CSMD1: variants seen among roughly 807,000 people sequenced by gnomAD.
CSMD1 encodes CUB and sushi domain-containing protein 1.
A neutral mutation model predicts 417.5 loss-of-function variants in CSMD1; 213 were observed. That is an observed-to-expected ratio of 0.51 (90% CI 0.46 to 0.57). The LOEUF is 0.57. Among genes scored for constraint, CSMD1 ranks in the 20% least tolerant of loss-of-function variants. CSMD1 has a pLI of 0.00. For synonymous variants in CSMD1, 2,862 were observed against 1,736.8 expected, an observed-to-expected ratio of 1.65 and a Z score of -16.11; for missense variants, 6,923 against 4,529.7, an observed-to-expected ratio of 1.53 and a Z score of -15.17.
chr8:3,679,460 G>A (rs1228786868), intron 7 of CSMD1, among the ~76,000 whole-genome samples: 1 of 152,078 alleles, frequency 6.6e-6, no homozygotes, highest in African/African-American at 2.4e-5. Flanking sequence ...AATGGTAAAG[G>A]GATCAATTCA....
chr8:4,756,153 A>T (rs1051965173), intron 1 of CSMD1, among the ~76,000 whole-genome samples: 1 of 152,210 alleles, frequency 6.6e-6, no homozygotes, highest in Non-Finnish European at 1.5e-5. Context: ...ATTAAACTTT[A>T]TGAATTCTAT....
chr8:4,661,707 C>A (rs1338149929), intron 1 of CSMD1, among the ~76,000 whole-genome samples: 2 of 151,996 alleles, frequency 1.3e-5, no homozygotes, highest in African/African-American at 4.8e-5. Flanking sequence ...AAAAAAGTCC[C>A]AAAATAAAAA....
chr8:3,646,035 T>C (rs17066728), intron 7 of CSMD1, among the ~76,000 whole-genome samples: 2 of 149,148 alleles, frequency 1.3e-5, no homozygotes, highest in East Asian at 1.9e-4. Context: ...ACTAGAAATA[T>C]TCTAAATTCC....
At chr8:3,105,766 A>C (rs997559870) in intron 46 of CSMD1, among the ~76,000 whole-genome samples, 10 of 152,266 alleles carry the variant, frequency 6.6e-5, no homozygotes, top group Non-Finnish European at 1.5e-4. Flanking sequence ...ACGAAATGAT[A>C]TTCAAAATTT....
At chr8:4,761,918 T>TCTAC (rs1563319814) in intron 1 of CSMD1, among the ~76,000 whole-genome samples, 2 of 127,732 alleles carry the variant, frequency 1.6e-5, no homozygotes, top group Non-Finnish European at 3.3e-5. Flanking sequence ...TATCAATCTA[T>TCTAC]CTATCTATCT....
chr8:3,727,091 A>T (rs757654178), intron 6 of CSMD1, among the ~76,000 whole-genome samples: 2 of 152,194 alleles, frequency 1.3e-5, no homozygotes, highest in African/African-American at 4.8e-5. Flanking sequence ...ATTTAATGTT[A>T]CCCAACTTAC....
At chr8:3,688,816 G>T (rs1032817853) in intron 7 of CSMD1, among the ~76,000 whole-genome samples, 3 of 152,068 alleles carry the variant, frequency 2.0e-5, no homozygotes, top group Non-Finnish European at 4.4e-5. Context: ...AAATAAAACA[G>T]TGTAATAGTG....
At chr8:3,796,956 T>G (rs1411898302) in intron 5 of CSMD1, among the ~76,000 whole-genome samples, 1 of 151,808 alleles carries the variant, frequency 6.6e-6, no homozygotes, top group African/African-American at 2.4e-5. Flanking sequence ...GAAGATGAAG[T>G]ATAATTAAAT....
At chr8:3,726,572 G>C (rs189306424) in intron 6 of CSMD1, among the ~76,000 whole-genome samples, 1 of 152,294 alleles carries the variant, frequency 6.6e-6, no homozygotes. Context: ...GTTTTCAGGA[G>C]AAGCAGGAAA....
intron 6 of CSMD1, among the ~76,000 whole-genome samples, chr8:3,745,867 A>G (rs115867898): frequency 0.012 from 1,830 of 152,304 alleles, 35 homozygotes; most frequent in African/African-American, 0.041. Context: ...CCACATTATC[A>G]TGTAGGTAAT....
chr8:3,059,073 C>T (rs767237705), intron 49 of CSMD1, among the ~76,000 whole-genome samples: 14 of 151,922 alleles, frequency 9.2e-5, no homozygotes, highest in East Asian at 1.9e-4. Flanking sequence ...TCCTGTTCCC[C>T]GCATGTGTCT....
At position 3,850,679 on chromosome 8, in the gene CSMD1, A is replaced by C. The variant is rs370319041; in HGVS notation, c.819-96637T>G. Among the ~76,000 whole-genome samples the C allele has an allele frequency of 2.7e-4, 41 of 152,282 alleles. No individual in the cohort carries two copies. The East Asian group carries it at 4.4e-3, about 16-fold the overall frequency. Reference sequence around the variant, plus strand: ...CACTGCACTCCAGCCTGGGTGACAGAGTGCGACTCTGTCTCAAAAAATAAA... The same window carrying C: ...CACTGCACTCCAGCCTGGGTGACAGCGTGCGACTCTGTCTCAAAAAATAAA... On this transcript the variant is annotated intron_variant, in intron 5 of 69. Transcript: ENST00000635120.
intron 1 of CSMD1, among the ~76,000 whole-genome samples, chr8:4,850,511 A>T (rs1034345552): frequency 4.0e-5 from 6 of 150,600 alleles, no homozygotes; most frequent in African/African-American, 1.5e-4. Flanking sequence ...GTTATTTTCC[A>T]AAATCTTCCA....
chr8:3,112,532 G>A (rs1208090367), intron 42 of CSMD1, among the ~76,000 whole-genome samples: 1 of 152,184 alleles, frequency 6.6e-6, no homozygotes, highest in African/African-American at 2.4e-5. Flanking sequence ...CATTGAGCAA[G>A]TCAGTGATTC....
chr8:2,951,226 T>C lies in CSMD1; in HGVS notation c.10089A>G (p.Glu3363=). The C allele has an allele frequency of 1.9e-6, 3 of 1,608,964 alleles. No homozygotes were observed. Among genetic ancestry groups the C allele is most frequent in the Non-Finnish European group, 2.5e-6 (3 of 1,177,342 alleles). The change falls in exon 66 of 70, where the codon GAA becomes GAG. Residue 3363 remains glutamate (E), a synonymous_variant. Transcript: ENST00000635120. Reference sequence around the variant, plus strand: ...TGGCGGGTTGTCTTTTCCCTAAATATTCATAATACCCCTTCCACAGTGAAT... The same window carrying C: ...TGGCGGGTTGTCTTTTCCCTAAATACTCATAATACCCCTTCCACAGTGAAT... ...FVNSLWKGYY[E]YLGKRQPATL...
intron 1 of CSMD1, among the ~76,000 whole-genome samples, chr8:4,828,746 T>G (rs375838715): frequency 6.6e-6 from 1 of 152,282 alleles, no homozygotes; most frequent in South Asian, 2.1e-4. Context: ...CATTTGGAGG[T>G]ACATTACCTA....
intron 2 of CSMD1, among the ~76,000 whole-genome samples, chr8:4,599,811 T>G (rs1394321673): frequency 6.6e-6 from 1 of 152,194 alleles, no homozygotes; most frequent in Non-Finnish European, 1.5e-5. Context: ...TTTCCTAGTG[T>G]TTATCACAAT....
chr8:4,374,521 A>G (rs1473931161), intron 3 of CSMD1, among the ~76,000 whole-genome samples: 4 of 152,084 alleles, frequency 2.6e-5, no homozygotes, highest in African/African-American at 9.7e-5. Context: ...CAGCAGATCT[A>G]GAGAGAAGAG....
intron 8 of CSMD1, among the ~76,000 whole-genome samples, chr8:3,610,192 G>A (rs917497989): frequency 1.1e-4 from 16 of 152,128 alleles, no homozygotes; most frequent in African/African-American, 4.8e-5. Flanking sequence ...GCTTCCATAT[G>A]AATACAATGG....
Sources: gnomAD v4.1 joint callset for allele counts (sites outside exome capture counted in the v4.1 genomes callset) on GRCh38, gnomAD v4.1.1 for gene constraint, MANE v1.5 for transcripts, NCBI Gene and HGNC (gene_info 2026-07-23, HGNC 2026-07-21) for gene names.